Variants in DDIAS observed in about 807,000 individuals in gnomAD.
DDIAS encodes DNA damage induced apoptosis suppressor, also known as DNA damage-induced apoptosis suppressor protein.
In DDIAS, 14 loss-of-function variants were observed where a neutral mutation model predicts 15.7. That is an observed-to-expected ratio of 0.89 (90% confidence interval 0.59 to 1.39). The LOEUF is 1.39. Among genes scored for constraint, DDIAS ranks in the 40% most tolerant of loss-of-function variants. DDIAS has a pLI of 0.00. For synonymous variants in DDIAS, 355 were observed against 395.9 expected, an observed-to-expected ratio of 0.90 and a Z score of 1.23; for missense variants, 1,035 against 1,130.9, an observed-to-expected ratio of 0.92 and a Z score of 1.22.
chr11:82,928,415 G>C (rs937286447), intron 3 of DDIAS, among the ~76,000 whole-genome samples: 1 of 151,670 alleles, frequency 6.6e-6, no homozygotes, highest in African/African-American at 2.4e-5. Flanking sequence ...TAGCTAGGAT[G>C]GTCTCAATCT....
Position 82,931,845 on chromosome 11 carries a change from C to A in DDIAS, c.507C>A (p.Asp169Glu). Residue 169 changes from aspartate to glutamate, a missense_variant, in exon 6 of 6, where the codon GAC becomes GAA. Physicochemically the swap from Asp to Glu is conservative, Grantham distance 45. Coordinates refer to ENST00000533655, the MANE Select transcript of DDIAS (RefSeq NM_145018.4). ...ALVACQIVLP[D>E]PGIAGFTVID... ...TGGCTTGCCAGATTGTTCTACCAGA[C>A]CCAGGTATTGCAGGCTTTACTGTCA... 1 of 1,614,198 alleles carries A rather than the reference C, an allele frequency of 6.2e-7. No homozygotes were observed. Among genetic ancestry groups the A allele is most frequent in the Non-Finnish European group, 8.5e-7 (1 of 1,180,034 alleles).
chr11:82,929,588 A>T (rs1440618022), intron 4 of DDIAS, among the ~76,000 whole-genome samples: 2 of 151,776 alleles, frequency 1.3e-5, no homozygotes, highest in African/African-American at 2.4e-5. Context: ...CTGTAGTCCC[A>T]GCTACGCCGG....
Position 82,931,805 on chromosome 11 carries a change from A to T in DDIAS, c.467A>T (p.Lys156Ile). The T allele has an allele frequency of 6.2e-7, 1 of 1,614,222 alleles. No homozygotes were observed. Among genetic ancestry groups the T allele is most frequent in the Non-Finnish European group, 8.5e-7 (1 of 1,180,028 alleles). ...CAGCAATGCTCTGACCACAAAAGAA[A>T]AGCCAAAGCACTAGTGGCTTGCCAG... ...FLQQCSDHKR[K>I]AKALVACQIV... The change falls in exon 6 of 6, where the codon AAA becomes ATA. Residue 156 changes from lysine (K) to isoleucine (I), a missense_variant. Lys to Ile is a moderately radical substitution (Grantham distance 102). Transcript: ENST00000533655.
intron 1 of DDIAS, chr11:82,909,294 G>A (rs1238389767): frequency 1.3e-5 from 2 of 152,198 alleles, no homozygotes; most frequent in African/African-American, 4.8e-5. Context: ...TAGCAGTGAG[G>A]ACAACCAGAG....
chr11:82,914,708 T>C lies in DDIAS; in HGVS notation c.-16-15T>C. ...AAGATTTGCCAGTCATCCCAATGGCTATTTTGTTTTGCAGACCACGGTGTG... is the reference window on the plus strand; with the variant it reads ...AAGATTTGCCAGTCATCCCAATGGCCATTTTGTTTTGCAGACCACGGTGTG... On this transcript the variant is annotated splice_polypyrimidine_tract_variant and intron_variant, in intron 2 of 5. Transcript: ENST00000533655. 7.5e-7 allele frequency: 1 copy of C among 1,333,568 alleles called. No individual in the cohort carries two copies. Among genetic ancestry groups the C allele is most frequent in the African/African-American group, 1.5e-5 (1 of 68,636 alleles). 82.6% of individuals were successfully genotyped at this position (1,333,568 alleles called of 1,614,324 possible). A position where few individuals can be genotyped will look rare whatever the true frequency, so the allele number is the denominator to read the frequency against.
chr11:82,925,101 C>T (rs1354576446), intron 3 of DDIAS, among the ~76,000 whole-genome samples: 1 of 152,098 alleles, frequency 6.6e-6, no homozygotes, highest in Non-Finnish European at 1.5e-5. Context: ...TTTTATGAAA[C>T]CAGACATTAA....
intron 1 of DDIAS, among the ~76,000 whole-genome samples, chr11:82,903,525 A>G (rs1046374066): frequency 1.3e-5 from 2 of 152,192 alleles, no homozygotes; most frequent in Non-Finnish European, 2.9e-5. Flanking sequence ...TCATGTTTTT[A>G]AAGCATTTTT....
chr11:82,906,381 TAAATA>T (rs1030500647), intron 1 of DDIAS, among the ~76,000 whole-genome samples: 12 of 152,266 alleles, frequency 7.9e-5, no homozygotes, highest in Admixed American at 7.8e-4. Flanking sequence ...AGTAAACCCT[TAAATA>T]AAGACAATGT....
rs1565249981 is a variant in DDIAS at position 82,928,915 on chromosome 11, T to G, written c.252T>G (p.Gly84=). The change falls in exon 4 of 6, where the codon GGT becomes GGG. Residue 84 remains glycine, a synonymous_variant. Coordinates refer to ENST00000533655, the MANE Select transcript of DDIAS (RefSeq NM_145018.4). ...VFGSCLDTFF[G]LTATGLHRYI... ...GAAGTTGCTTAGATACATTTTTTGG[T>G]CTTACTGCCACTGGTTTGCACAGGT... 1 of 1,612,306 alleles carries G rather than the reference T, an allele frequency of 6.2e-7. No homozygotes were observed. The highest frequency in any genetic ancestry group is 8.5e-7 in the Non-Finnish European group (1 of 1,179,606).
Position 82,933,996 on chromosome 11 carries a change from G to A in DDIAS, c.2658G>A (p.Gly886=). ...TTGGATTCCAAGGCATAGGTCTAGG[G>A]AAATGCCTTGCTGCCTATCATTTCC... ...DMLGFQGIGL[G]KCLAAYHFPD... Residue 886 remains glycine (G), a synonymous_variant, in exon 6 of 6, where the codon GGG becomes GGA. Coordinates refer to ENST00000533655, the MANE Select transcript of DDIAS (RefSeq NM_145018.4). 2 of 1,613,632 alleles carry A rather than the reference G, an allele frequency of 1.2e-6. No individual in the cohort carries two copies. The highest frequency in any genetic ancestry group is 1.7e-6 in the Non-Finnish European group (2 of 1,179,906).
At chr11:82,911,746 T>G (rs1590800576) in intron 1 of DDIAS, among the ~76,000 whole-genome samples, 1 of 152,232 alleles carries the variant, frequency 6.6e-6, no homozygotes, top group East Asian at 1.9e-4. Context: ...TCAACTTACT[T>G]TGCCCAGATC....
intron 1 of DDIAS, among the ~76,000 whole-genome samples, chr11:82,910,367 G>A (rs1219866569): frequency 7.1e-6 from 1 of 140,102 alleles, no homozygotes; most frequent in Non-Finnish European, 1.5e-5. Context: ...TGCAACCTCC[G>A]CCTCCCAGGT....
intron 1 of DDIAS, among the ~76,000 whole-genome samples, chr11:82,908,057 C>CT (rs1240591722): frequency 2.0e-5 from 3 of 152,154 alleles, no homozygotes; most frequent in African/African-American, 7.2e-5. Flanking sequence ...GCCATAGAAA[C>CT]TAAGAGGAAG....
At chr11:82,910,616 T>C (rs1223442745) in intron 1 of DDIAS, among the ~76,000 whole-genome samples, 1 of 85,492 alleles carries the variant, frequency 1.2e-5, no homozygotes, top group Non-Finnish European at 3.0e-5. Flanking sequence ...CTTTTTTTTT[T>C]TTTTTTTTTT....
At chr11:82,924,343 G>C (rs959389909) in intron 3 of DDIAS, among the ~76,000 whole-genome samples, 3 of 152,182 alleles carry the variant, frequency 2.0e-5, no homozygotes, top group Non-Finnish European at 2.9e-5. Context: ...AGGTATGTAT[G>C]ACTCCTCCAG....
intron 3 of DDIAS, among the ~76,000 whole-genome samples, chr11:82,926,744 T>G (rs1860870295): frequency 6.6e-6 from 1 of 152,226 alleles, no homozygotes; most frequent in Non-Finnish European, 1.5e-5. Flanking sequence ...CATATTAATG[T>G]TTGAGAAGCT....
intron 1 of DDIAS, among the ~76,000 whole-genome samples, chr11:82,910,404 A>G (rs991492234): frequency 6.7e-6 from 1 of 149,604 alleles, no homozygotes; most frequent in Non-Finnish European, 1.5e-5. Context: ...CAGTATCCTG[A>G]GTAGCTGGGA....
intron 3 of DDIAS, among the ~76,000 whole-genome samples, chr11:82,920,216 C>T (rs1018262130): frequency 6.6e-6 from 1 of 151,942 alleles, no homozygotes; most frequent in Non-Finnish European, 1.5e-5. Context: ...TCAGTGGTGT[C>T]AGTTGTAATA....
At chr11:82,905,323 T>C (rs1301709341) in intron 1 of DDIAS, among the ~76,000 whole-genome samples, 1 of 152,220 alleles carries the variant, frequency 6.6e-6, no homozygotes, top group Admixed American at 6.5e-5. Context: ...CAAGATTTTC[T>C]TTGTATATTA....
Sources: gnomAD v4.1 joint callset for allele counts (sites outside exome capture counted in the v4.1 genomes callset) on GRCh38, gnomAD v4.1.1 for gene constraint, MANE v1.5 for transcripts, NCBI Gene and HGNC (gene_info 2026-07-23, HGNC 2026-07-21) for gene names.